TECPR2: variants seen among roughly 807,000 people sequenced by gnomAD.
TECPR2 encodes the protein tectonin beta-propeller repeat containing 2.
In TECPR2, 65 loss-of-function variants were observed where a neutral mutation model predicts 138.1. The ratio of observed to expected loss-of-function variants is 0.47; its 90% CI spans 0.39 to 0.58. The LOEUF (loss-of-function observed/expected upper bound fraction) is 0.58. Ranked by LOEUF, TECPR2 falls within the 20% of genes least tolerant of loss-of-function variation. The pLI, the probability that TECPR2 is intolerant of heterozygous loss-of-function variation, is 0.00. For missense variants in TECPR2, 1,553 were observed against 1,824.5 expected (o/e 0.85, Z 2.71); for synonymous variants, 746 against 749.8 (o/e 0.99, Z 0.08).
intron 1 of TECPR2, among the ~76,000 whole-genome samples, chr14:102,373,568 A>G (rs1409263920): frequency 6.6e-6 from 1 of 152,198 alleles, no homozygotes; most frequent in Non-Finnish European, 1.5e-5. Context: ...TTTTCAGCTT[A>G]TGACGGTTTT....
intron 2 of TECPR2, among the ~76,000 whole-genome samples, chr14:102,393,414 CTA>C (rs758623244): frequency 1.4e-4 from 21 of 152,256 alleles, no homozygotes; most frequent in Middle Eastern, 3.4e-3. Context: ...ACATCAATAA[CTA>C]TGACATTTAT....
intron 2 of TECPR2, among the ~76,000 whole-genome samples, chr14:102,394,155 C>T (rs1294845939): frequency 1.3e-5 from 2 of 152,170 alleles, no homozygotes; most frequent in African/African-American, 4.8e-5. Flanking sequence ...TTCCCTCATT[C>T]TCCTTCCTTT....
intron 11 of TECPR2, among the ~76,000 whole-genome samples, chr14:102,442,636 C>A (rs1595128718): frequency 6.6e-6 from 1 of 152,222 alleles, no homozygotes; most frequent in Non-Finnish European, 1.5e-5. Flanking sequence ...CCACCCAGAC[C>A]TGTTGGATTA....
intron 17 of TECPR2, among the ~76,000 whole-genome samples, chr14:102,467,298 T>A (rs1890565777): frequency 6.6e-6 from 1 of 151,462 alleles, no homozygotes; most frequent in Admixed American, 6.6e-5. Context: ...ATGAGAGTTC[T>A]AGTTTTTCCC....
chr14:102,476,377 A>C (rs1335507715), intron 17 of TECPR2, among the ~76,000 whole-genome samples: 1 of 143,384 alleles, frequency 7.0e-6, no homozygotes, highest in Non-Finnish European at 1.5e-5. Flanking sequence ...AAAAAAAAAA[A>C]AAAACAACAA....
In TECPR2 at chr14:102,443,997, G is replaced by A. The variant is rs112781174; in HGVS notation, c.2933+170G>A. Among the ~76,000 whole-genome samples, 1 of 152,146 alleles carries A rather than the reference G, an allele frequency of 6.6e-6. No individual in the cohort carries two copies. The highest frequency in any genetic ancestry group is 1.5e-5 in the Non-Finnish European group (1 of 68,022). ...CCTAATTCTGACCGGCAAACTGGAC[G>A]TTGAGTCAGAGCTCGCTTTTTAAAA... On this transcript the variant is annotated intron_variant, in intron 12 of 19. Coordinates refer to ENST00000359520, the MANE Select transcript of TECPR2 (RefSeq NM_014844.5). This position sits in a 1 kb window ranked among gnomAD's most constrained non-coding sequence, Gnocchi z 4.9.
intron 9 of TECPR2, among the ~76,000 whole-genome samples, chr14:102,435,832 A>T (rs1485433177): frequency 6.6e-6 from 1 of 152,198 alleles, no homozygotes; most frequent in Non-Finnish European, 1.5e-5. Context: ...ATTTTATATT[A>T]AAAGTGATTT....
chr14:102,369,757 C>A lies in TECPR2; in HGVS notation c.-73+6641C>A, dbSNP rs183956383. ...GAGATTGAGACCATCCTGGCTAACA[C>A]GGTGAAACCCCGTCTCTACTAAAAA... On this transcript the variant is annotated intron_variant, in intron 1 of 19. Coordinates refer to ENST00000359520, the MANE Select transcript of TECPR2 (RefSeq NM_014844.5). 2.3e-3 allele frequency among the ~76,000 whole-genome samples: 347 copies of A among 151,680 alleles called. 12 individuals carry two copies. In the East Asian group the frequency reaches 0.047, roughly 21 times the overall value.
At chr14:102,449,995 T>TCCACTAGACACTTC in intron 14 of TECPR2, 126 bp downstream of exon 14, 1 of 1,372,252 alleles carries the variant, frequency 7.3e-7, no homozygotes, top group Non-Finnish European at 9.8e-7. Flanking sequence ...ATGAAGTGTC[T>TCCACTAGACACTTC]AGTGGAGGCA....
At chr14:102,463,814 C>G (rs1169876512) in intron 16 of TECPR2, among the ~76,000 whole-genome samples, 1 of 151,200 alleles carries the variant, frequency 6.6e-6, no homozygotes, top group Non-Finnish European at 1.5e-5. Flanking sequence ...ATCCCAGCTA[C>G]TCAGGAGGCT....
At chr14:102,445,688 A>C in intron 12 of TECPR2, 118 bp from the exon 13 acceptor site, 1 of 1,339,270 alleles carries the variant, frequency 7.5e-7, no homozygotes, top group Non-Finnish European at 1.0e-6. Context: ...GATCCGCTCC[A>C]GGGCCACGTC....
At position 102,440,446 on chromosome 14, in the gene TECPR2, C is replaced by T. The variant is rs1382296444; in HGVS notation, c.2589C>T (p.Leu863=). 1 of 1,614,170 alleles carries T rather than the reference C, an allele frequency of 6.2e-7. No homozygotes were observed. Among genetic ancestry groups the T allele is most frequent in the South Asian group, 1.1e-5 (1 of 91,082 alleles). ...TTTTTATTTCCATAGGAGCCCTTCT[C>T]TGGAAGATTGAACAGAAATCTAACC... The part of the protein sequence containing the change: ...QVAVSPSGAL[L]WKIEQKSNRA... The change falls in exon 11 of 20, where the codon CTC becomes CTT. Residue 863 remains leucine (L), a synonymous_variant. Transcript: ENST00000359520.
chr14:102,444,875 G>A (rs2139745161), intron 12 of TECPR2, among the ~76,000 whole-genome samples: 1 of 152,278 alleles, frequency 6.6e-6, no homozygotes, highest in South Asian at 2.1e-4. Flanking sequence ...AACCTGGGAG[G>A]CGGAAGTTGC....
chr14:102,474,440 T>G (rs1234001330), intron 17 of TECPR2, among the ~76,000 whole-genome samples: 2 of 151,526 alleles, frequency 1.3e-5, no homozygotes, highest in Non-Finnish European at 2.9e-5. Flanking sequence ...GCCTGACCAA[T>G]ATGGAGAAAC....
intron 8 of TECPR2, 104 bp downstream of exon 8, chr14:102,432,232 G>A: frequency 8.5e-7 from 1 of 1,181,478 alleles, no homozygotes. Context: ...ACATCCAAAA[G>A]CAGAGAACAC....
intron 2 of TECPR2, among the ~76,000 whole-genome samples, chr14:102,393,595 G>C (rs1206295501): frequency 6.6e-6 from 1 of 152,088 alleles, no homozygotes; most frequent in Non-Finnish European, 1.5e-5. Context: ...GTCTCACTCT[G>C]TTGCCCAGAC....
At chr14:102,468,905 T>G (rs1890606442) in intron 17 of TECPR2, among the ~76,000 whole-genome samples, 1 of 152,222 alleles carries the variant, frequency 6.6e-6, no homozygotes, top group South Asian at 2.1e-4. Context: ...CTTGTCAAAA[T>G]CAATTGATTG....
intron 17 of TECPR2, among the ~76,000 whole-genome samples, chr14:102,491,231 T>A (rs1293253913): frequency 6.6e-6 from 1 of 152,176 alleles, no homozygotes; most frequent in Non-Finnish European, 1.5e-5. Context: ...TTTTGTTTAT[T>A]ATTACAGAGG....
chr14:102,448,403 G>T (rs1377230716), intron 13 of TECPR2, among the ~76,000 whole-genome samples: 1 of 152,224 alleles, frequency 6.6e-6, no homozygotes, highest in Non-Finnish European at 1.5e-5. Flanking sequence ...AGAGCTTCCT[G>T]CAGGGAGGGG....
Sources: allele counts gnomAD v4.1 joint callset (sites outside exome capture counted in the v4.1 genomes callset), GRCh38; gene constraint gnomAD v4.1.1; non-coding constraint Gnocchi (gnomAD v3.1); transcripts MANE v1.5; gene names NCBI Gene and HGNC (gene_info 2026-07-23, HGNC 2026-07-21).